CPSF3: variants seen among roughly 807,000 people sequenced by gnomAD.
The protein encoded by CPSF3 is cleavage and polyadenylation specific factor 3, also known as cleavage and polyadenylation specificity factor subunit 3.
CPSF3 carries 57 observed loss-of-function variants against 84.1 expected under a neutral mutation model. The ratio of observed to expected loss-of-function variants is 0.68; its 90% CI spans 0.55 to 0.85. The LOEUF is 0.85. Ranked by LOEUF, CPSF3 falls within the 40% of genes least tolerant of loss-of-function variation. CPSF3 has a pLI of 0.00. For missense variants in CPSF3, 522 were observed against 838.8 expected, an observed-to-expected ratio of 0.62 and a Z score of 4.66; for synonymous variants, 275 against 278.1, an observed-to-expected ratio of 0.99 and a Z score of 0.11.
intron 16 of CPSF3, among the ~76,000 whole-genome samples, chr2:9,470,351 G>A (rs1682122138): frequency 2.6e-5 from 4 of 152,100 alleles, no homozygotes; most frequent in Non-Finnish European, 2.9e-5. Context: ...CACTTCCCCC[G>A]CTTAATACAG....
chr2:9,470,031 T>C (rs1682109062), intron 16 of CPSF3, among the ~76,000 whole-genome samples: 1 of 152,142 alleles, frequency 6.6e-6, no homozygotes, highest in Admixed American at 6.5e-5. Context: ...CTGGCCAACA[T>C]GGCAAAACCC....
intron 7 of CPSF3, among the ~76,000 whole-genome samples, chr2:9,438,925 G>A (rs1379907435): frequency 6.6e-6 from 1 of 152,066 alleles, no homozygotes; most frequent in Non-Finnish European, 1.5e-5. Context: ...TCTATCATAT[G>A]GCTAGAGCCA....
intron 17 of CPSF3, 141 bp from the exon 18 acceptor site, chr2:9,472,775 C>T: frequency 1.5e-6 from 1 of 683,956 alleles, no homozygotes; most frequent in South Asian, 1.6e-5. Context: ...ACCTCAGACT[C>T]TTATCTGGGA....
chr2:9,465,192 A>T (rs1042926333), intron 15 of CPSF3, among the ~76,000 whole-genome samples: 8 of 152,188 alleles, frequency 5.3e-5, no homozygotes, highest in Admixed American at 1.3e-4. Flanking sequence ...ACAATATTTT[A>T]AAAAGTCATA....
At chr2:9,455,890 A>T (rs1450631298) in intron 13 of CPSF3, 133 bp downstream of exon 13, 2 of 592,176 alleles carry the variant, frequency 3.4e-6, no homozygotes, top group East Asian at 6.0e-5. Context: ...ATGTGTGATC[A>T]TGTTATTATT....
At chr2:9,471,565 A>T (rs1464913964) in intron 17 of CPSF3, 126 bp downstream of exon 17, 16 of 648,976 alleles carry the variant, frequency 2.5e-5, no homozygotes, top group Non-Finnish European at 4.5e-5. Flanking sequence ...TGTTTCCAAC[A>T]TTTTTTTCAC....
chr2:9,473,014 C>T lies in CPSF3; in HGVS notation c.2052C>T (p.His684=), dbSNP rs766153098. ...QRLYEALTPV[H] ...TGTACGAGGCCCTGACGCCAGTTCA[C>T]TGAGACTGTGCCTGTATATGAACTT... The change falls in exon 18 of 18, where the codon CAC becomes CAT. Residue 684 remains histidine, a synonymous_variant. Transcript: ENST00000238112. 9 of 1,609,164 alleles carry T rather than the reference C, an allele frequency of 5.6e-6. No homozygotes were observed. Among genetic ancestry groups the T allele is most frequent in the East Asian group, 4.5e-5 (2 of 44,858 alleles).
chr2:9,452,186 G>A (rs574445757), intron 11 of CPSF3, among the ~76,000 whole-genome samples: 6 of 151,994 alleles, frequency 3.9e-5, no homozygotes, highest in East Asian at 1.9e-4. Flanking sequence ...AAAATTAGCC[G>A]GGCATGGTGG....
chr2:9,464,685 G>A (rs567146873), intron 15 of CPSF3, among the ~76,000 whole-genome samples: 8 of 152,146 alleles, frequency 5.3e-5, no homozygotes, highest in Admixed American at 5.2e-4. Flanking sequence ...TCGACCTCCT[G>A]GGCTCAAGTG....
At chr2:9,464,456 G>A (rs1446780618) in intron 15 of CPSF3, among the ~76,000 whole-genome samples, 1 of 151,908 alleles carries the variant, frequency 6.6e-6, no homozygotes, top group Non-Finnish European at 1.5e-5. Context: ...GTTTTTACAT[G>A]TCAATTAAGT....
chr2:9,441,673 T>C, intron 8 of CPSF3, 145 bp from the exon 9 acceptor site: 1 of 827,426 alleles, frequency 1.2e-6, no homozygotes, highest in Non-Finnish European at 1.8e-6. Flanking sequence ...ATTTGGCAAC[T>C]GAACTTAAAA....
At chr2:9,471,572 TCA>T (rs768547999) in intron 17 of CPSF3, 133 bp downstream of exon 17, 11 of 634,282 alleles carry the variant, frequency 1.7e-5, no homozygotes, top group Non-Finnish European at 3.2e-5. Context: ...AACATTTTTT[TCA>T]CATTGTTCTT....
chr2:9,448,562 G>T (rs55885294), intron 11 of CPSF3, among the ~76,000 whole-genome samples: 26,057 of 145,420 alleles, frequency 0.18, 2,401 homozygotes, highest in Middle Eastern at 0.29. Flanking sequence ...TAGATTTTTT[G>T]TGTGTGTGTG....
chr2:9,429,860 T>C, intron 2 of CPSF3, 63 bp from the exon 3 acceptor site: 1 of 1,128,146 alleles, frequency 8.9e-7, no homozygotes, highest in Non-Finnish European at 1.3e-6. Context: ...TTATTGCCTA[T>C]TTGCCGAATG....
Position 9,459,744 on chromosome 2 carries a change from G to A in CPSF3, c.1786+126G>A, listed in dbSNP as rs1681669517. ...AGCTCACTGCATCCTCCACTTCCCAGGTTCAAGCAATTCTCCTGCCTCAGC... is the reference window on the plus strand; with the variant it reads ...AGCTCACTGCATCCTCCACTTCCCAAGTTCAAGCAATTCTCCTGCCTCAGC... On this transcript the variant is annotated intron_variant, in intron 15 of 17. Transcript: ENST00000238112. The A allele has an allele frequency of 7.1e-5, 37 of 523,758 alleles. No homozygotes were observed. In the South Asian group the frequency reaches 8.1e-4, roughly 11 times the overall value. The allele number at this position is 523,758 out of a possible 1,614,324, so 32.4% of individuals were successfully genotyped here.
chr2:9,467,875 T>A, intron 16 of CPSF3, 99 bp downstream of exon 16: 1 of 920,226 alleles, frequency 1.1e-6, no homozygotes, highest in Non-Finnish European at 1.7e-6. Context: ...GGCGTGGCTC[T>A]GGCCAGGCCA....
At chr2:9,443,977 T>C (rs1681039709) in intron 10 of CPSF3, among the ~76,000 whole-genome samples, 1 of 152,072 alleles carries the variant, frequency 6.6e-6, no homozygotes, top group Non-Finnish European at 1.5e-5. Context: ...GCCAGCTCCA[T>C]CTCTTACTTA....
At chr2:9,433,020 G>A (rs1207146241) in intron 5 of CPSF3, among the ~76,000 whole-genome samples, 6 of 152,150 alleles carry the variant, frequency 3.9e-5, no homozygotes, top group African/African-American at 9.7e-5. Context: ...GGCTGCATTC[G>A]TTTAAAATTA....
At chr2:9,460,134 G>T (rs1681685742) in intron 15 of CPSF3, among the ~76,000 whole-genome samples, 1 of 152,094 alleles carries the variant, frequency 6.6e-6, no homozygotes, top group South Asian at 2.1e-4. Flanking sequence ...AAACCTGGCT[G>T]CAATTAAGAC....
Sources: allele counts gnomAD v4.1 joint callset (sites outside exome capture counted in the v4.1 genomes callset), GRCh38; gene constraint gnomAD v4.1.1; transcripts MANE v1.5; gene names NCBI Gene and HGNC (gene_info 2026-07-23, HGNC 2026-07-21).